PTPRD: variants seen among roughly 807,000 people sequenced by gnomAD.
PTPRD encodes the protein protein tyrosine phosphatase receptor type D.
A neutral mutation model predicts 214.5 loss-of-function variants in PTPRD; 34 were observed. That is an observed-to-expected ratio of 0.16 (90% CI 0.12 to 0.21). The LOEUF (loss-of-function observed/expected upper bound fraction) is 0.21, where lower values mean the gene tolerates loss of function less well. Ranked by LOEUF, PTPRD falls within the 10% of genes least tolerant of loss-of-function variation. The pLI is 1.00. For synonymous variants in PTPRD, 1,128 were observed against 845.7 expected, an observed-to-expected ratio of 1.33 and a Z score of -5.79; for missense variants, 2,545 against 2,398.7, an observed-to-expected ratio of 1.06 and a Z score of -1.27.
chr9:8,547,641 TAAAAAAA>T (rs759867541), intron 14 of PTPRD, among the ~76,000 whole-genome samples: 3 of 110,974 alleles, frequency 2.7e-5, no homozygotes, highest in South Asian at 2.9e-4. Flanking sequence ...GAATCCTATT[TAAAAAAA>T]AAAAAAAAAA....
chr9:10,091,716 A>G (rs557393116), intron 3 of PTPRD, among the ~76,000 whole-genome samples: 4 of 151,610 alleles, frequency 2.6e-5, no homozygotes, highest in African/African-American at 9.6e-5. Context: ...GTCATTTATT[A>G]ATAAGACTGT....
At chr9:10,121,765 G>A (rs531363354) in intron 3 of PTPRD, among the ~76,000 whole-genome samples, 2 of 152,082 alleles carry the variant, frequency 1.3e-5, no homozygotes, top group Admixed American at 6.6e-5. Context: ...CAGTATTTAC[G>A]CAGACCCTTT....
chr9:10,601,678 A>G (rs1438562370), intron 2 of PTPRD, among the ~76,000 whole-genome samples: 1 of 151,710 alleles, frequency 6.6e-6, no homozygotes, highest in African/African-American at 2.4e-5. Context: ...GATGTGTTAA[A>G]TATTTGAGGA....
Position 8,413,295 on chromosome 9 carries a change from C to T in PTPRD, c.4087-8635G>A, listed in dbSNP as rs550710876. Among the ~76,000 whole-genome samples, 5 of 152,240 alleles carry T rather than the reference C, an allele frequency of 3.3e-5. No homozygotes were observed. The South Asian group carries it at 1.0e-3, about 32-fold the overall frequency. On this transcript the variant is annotated intron_variant, in intron 35 of 45. Transcript: ENST00000381196. Reference sequence around the variant, plus strand: ...TAGTTTCAGATGCAGGTGGAGGGAACAGATGAATTTCTAAATTGAAACATA... The same window carrying T: ...TAGTTTCAGATGCAGGTGGAGGGAATAGATGAATTTCTAAATTGAAACATA...
intron 5 of PTPRD, among the ~76,000 whole-genome samples, chr9:9,818,117 G>A (rs1388849450): frequency 1.3e-5 from 2 of 152,164 alleles, no homozygotes; most frequent in Non-Finnish European, 1.5e-5. Context: ...TGCCCTCTGA[G>A]TATCACTGAC....
At chr9:10,268,696 T>C (rs2094241533) in intron 3 of PTPRD, among the ~76,000 whole-genome samples, 1 of 152,174 alleles carries the variant, frequency 6.6e-6, no homozygotes, top group Non-Finnish European at 1.5e-5. Flanking sequence ...TAAATCCCCT[T>C]TCTAGTACTA....
chr9:9,169,042 C>T (rs976119924), intron 10 of PTPRD, among the ~76,000 whole-genome samples: 1 of 151,824 alleles, frequency 6.6e-6, no homozygotes, highest in Non-Finnish European at 1.5e-5. Context: ...CTGGGTGCTA[C>T]AAAACGTATA....
At chr9:8,970,085 G>A (rs2154331116) in intron 11 of PTPRD, among the ~76,000 whole-genome samples, 1 of 151,990 alleles carries the variant, frequency 6.6e-6, no homozygotes, top group South Asian at 2.1e-4. Context: ...TAAAACTAAA[G>A]GGTATGTGGA....
chr9:10,452,967 TAG>T (rs112110389), intron 2 of PTPRD, among the ~76,000 whole-genome samples: 8,164 of 151,798 alleles, frequency 0.054, 674 homozygotes, highest in African/African-American at 0.18. Flanking sequence ...ACCTTATATT[TAG>T]AGATCCTTAA....
At chr9:9,705,186 G>C (rs1207972008) in intron 7 of PTPRD, among the ~76,000 whole-genome samples, 1 of 152,136 alleles carries the variant, frequency 6.6e-6, no homozygotes, top group Non-Finnish European at 1.5e-5. Context: ...TCATAGAATT[G>C]CATATGACAG....
intron 11 of PTPRD, among the ~76,000 whole-genome samples, chr9:8,833,709 T>TACAC (rs1330937417): frequency 5.2e-5 from 7 of 135,346 alleles, no homozygotes; most frequent in African/African-American, 2.1e-4. Context: ...TCTATATATA[T>TACAC]ATATATACAC....
chr9:8,899,819 T>C (rs1009213837), intron 11 of PTPRD, among the ~76,000 whole-genome samples: 7 of 152,156 alleles, frequency 4.6e-5, no homozygotes, highest in African/African-American at 1.7e-4. Context: ...CATGTTGCCT[T>C]TGAGAGTAGA....
chr9:8,641,119 T>G (rs987800425), intron 12 of PTPRD, among the ~76,000 whole-genome samples: 3 of 148,480 alleles, frequency 2.0e-5, no homozygotes, highest in Non-Finnish European at 4.4e-5. Context: ...TCTGCCTTAT[T>G]TTGTCATAGA....
chr9:8,830,093 T>C (rs2097258260), intron 11 of PTPRD, among the ~76,000 whole-genome samples: 1 of 152,152 alleles, frequency 6.6e-6, no homozygotes, highest in African/African-American at 2.4e-5. Flanking sequence ...TTACATTTAT[T>C]AACTCTTTTA....
At chr9:8,868,923 G>C (rs1015249136) in intron 11 of PTPRD, among the ~76,000 whole-genome samples, 1 of 152,094 alleles carries the variant, frequency 6.6e-6, no homozygotes, top group Non-Finnish European at 1.5e-5. Flanking sequence ...CACATATGAA[G>C]GAAAACCCTT....
chr9:10,285,476 T>C (rs975437882), intron 3 of PTPRD, among the ~76,000 whole-genome samples: 1 of 152,128 alleles, frequency 6.6e-6, no homozygotes, highest in Non-Finnish European at 1.5e-5. Context: ...ATTATTCTTA[T>C]AGAAACATTA....
At chr9:10,013,537 C>T (rs1451399062) in intron 4 of PTPRD, among the ~76,000 whole-genome samples, 1 of 150,400 alleles carries the variant, frequency 6.6e-6, no homozygotes, top group Admixed American at 6.7e-5. Context: ...GAGGTAAAGT[C>T]AGTGTACAAA....
intron 5 of PTPRD, among the ~76,000 whole-genome samples, chr9:9,930,115 G>C (rs1450912218): frequency 1.3e-5 from 2 of 152,172 alleles, no homozygotes; most frequent in African/African-American, 4.8e-5. Flanking sequence ...GGAGCTCCAG[G>C]AGTATCTACC....
chr9:9,977,069 C>A (rs988388105), intron 4 of PTPRD, among the ~76,000 whole-genome samples: 4 of 152,044 alleles, frequency 2.6e-5, no homozygotes, highest in African/African-American at 9.7e-5. Flanking sequence ...ACTAAACAAA[C>A]AATATATAAA....
Sources: gnomAD v4.1 joint callset for allele counts (sites outside exome capture counted in the v4.1 genomes callset) on GRCh38, gnomAD v4.1.1 for gene constraint, MANE v1.5 for transcripts, NCBI Gene and HGNC (gene_info 2026-07-23, HGNC 2026-07-21) for gene names.